Variants in REV3L observed in about 807,000 individuals in gnomAD.
REV3L encodes the protein DNA polymerase zeta catalytic subunit.
Under a neutral mutation model 299.4 loss-of-function variants are expected in REV3L, and 69 were observed. The ratio of observed to expected loss-of-function variants is 0.23; its 90% CI spans 0.19 to 0.28. REV3L has a LOEUF of 0.28. Among genes scored for constraint, REV3L ranks in the 10% least tolerant of loss-of-function variants. The pLI, the probability that REV3L is intolerant of heterozygous loss-of-function variation, is 1.00. For missense variants in REV3L, 3,128 were observed against 3,693.8 expected (o/e 0.85, Z 3.97); for synonymous variants, 1,238 against 1,271.4 (o/e 0.97, Z 0.56).
chr6:111,441,259 ATTG>A (rs769067333), intron 1 of REV3L, among the ~76,000 whole-genome samples: 265 of 151,594 alleles, frequency 1.7e-3, no homozygotes, highest in Non-Finnish European at 3.2e-3. Context: ...TGTTGTCGTC[ATTG>A]TTGTTTTTGA....
At chr6:111,387,050 G>A (rs1781422499) in intron 9 of REV3L, among the ~76,000 whole-genome samples, 1 of 152,040 alleles carries the variant, frequency 6.6e-6, no homozygotes, top group Non-Finnish European at 1.5e-5. Context: ...AGGCAAAAGT[G>A]AAAACAACTC....
intron 28 of REV3L, 39 bp from the exon 29 acceptor site, chr6:111,311,298 C>A: frequency 6.7e-7 from 1 of 1,489,996 alleles, no homozygotes. Context: ...GATAAAATAT[C>A]TCCTAGTATG....
In REV3L at chr6:111,367,905, C is replaced by T; in HGVS notation, c.5883G>A (p.Gln1961=). The stretch of plus-strand genomic sequence containing the variant: ...GAAGGGGTGACCCTGGCCTTGGATT[C>T]TGAGTCATTGCTGAGAATGCTGTTT... The part of the protein sequence containing the change: ...LWKTAFSAMT[Q]NPRPGSPLRS... The change falls in exon 14 of 32, where the codon CAG becomes CAA. Residue 1961 remains glutamine, a synonymous_variant. Transcript: ENST00000368802. 2 of 1,614,128 alleles carry T rather than the reference C, an allele frequency of 1.2e-6. No homozygotes were observed. Among genetic ancestry groups the T allele is most frequent in the Non-Finnish European group, 1.7e-6 (2 of 1,180,000 alleles).
chr6:111,462,282 T>C (rs560081819), intron 1 of REV3L, among the ~76,000 whole-genome samples: 18 of 152,276 alleles, frequency 1.2e-4, no homozygotes, highest in Admixed American at 1.2e-3. Context: ...CTTCAGTTTT[T>C]GACATGATAT....
intron 1 of REV3L, among the ~76,000 whole-genome samples, chr6:111,469,582 AACAGAAAATAT>A (rs1791934415): frequency 3.3e-5 from 5 of 152,164 alleles, no homozygotes. Context: ...GCCTATGGAC[AACAGAAAATAT>A]ACGAGGCTTG....
At chr6:111,399,315 C>G (rs1417116726) in intron 4 of REV3L, among the ~76,000 whole-genome samples, 1 of 152,096 alleles carries the variant, frequency 6.6e-6, no homozygotes, top group Non-Finnish European at 1.5e-5. Flanking sequence ...AGAAAAGTTC[C>G]AAGTTCCAAG....
chr6:111,338,311 C>CTTTTTTTTTTTTTTTTTT lies in REV3L; in HGVS notation c.7539-2702_7539-2701insAAAAAAAAAAAAAAAAAA, dbSNP rs1776115188. Among the ~76,000 whole-genome samples the CTTTTTTTTTTTTTTTTTT allele has an allele frequency of 1.0e-4, 5 of 49,034 alleles. 1 individual carries two copies. The highest frequency in any genetic ancestry group is 2.3e-4 in the Admixed American group (1 of 4,346). The allele number at this position is 49,034 out of a possible 152,430, so 32.2% of individuals were successfully genotyped here. ...TTCTTTGTTTACTCCAGTCTAAAGTCCTTTTTTTTTTTTTTTTTTTTTTTT... is the reference window on the plus strand; with the variant it reads ...TTCTTTGTTTACTCCAGTCTAAAGTCTTTTTTTTTTTTTTTTTTCTTTTTTTTTTTTTTTTTTTTTTTT... On this transcript the variant is annotated intron_variant, in intron 21 of 31. Transcript: ENST00000368802.
chr6:111,331,668 A>C lies in REV3L; in HGVS notation c.8034+8T>G. On this transcript the variant is annotated splice_region_variant and intron_variant, in intron 24 of 31. Transcript: ENST00000368802. ...AGTTGTTATCTTTCATTTACAAGAG[A>C]GTATTACCTTGACAAAAGCTACTCC... is the stretch of plus-strand genomic sequence containing the variant. 1 of 1,564,306 alleles carries C rather than the reference A, an allele frequency of 6.4e-7. No homozygotes were observed. Among genetic ancestry groups the C allele is most frequent in the Non-Finnish European group, 8.8e-7 (1 of 1,136,854 alleles).
intron 9 of REV3L, 139 bp from the exon 10 acceptor site, chr6:111,381,583 A>C: frequency 3.0e-6 from 2 of 668,546 alleles, no homozygotes; most frequent in Non-Finnish European, 4.9e-6. Context: ...ATGCCAAATA[A>C]AAACATAATA....
intron 2 of REV3L, among the ~76,000 whole-genome samples, chr6:111,415,712 A>C (rs560291567): frequency 6.6e-6 from 1 of 152,078 alleles, no homozygotes; most frequent in Admixed American, 6.6e-5. Flanking sequence ...TACCTCCTTC[A>C]GGTCTTTGCT....
At chr6:111,360,441 A>G (rs2114993150) in intron 16 of REV3L, among the ~76,000 whole-genome samples, 1 of 143,180 alleles carries the variant, frequency 7.0e-6, no homozygotes, top group East Asian at 2.0e-4. Context: ...ATACTATTGC[A>G]TGTGCTCATT....
chr6:111,447,553 T>TC (rs1789001162), intron 1 of REV3L, among the ~76,000 whole-genome samples: 1 of 152,122 alleles, frequency 6.6e-6, no homozygotes, highest in South Asian at 2.1e-4. Flanking sequence ...AAAATTCACT[T>TC]TACGTCAGGG....
chr6:111,326,029 T>C (rs1016708264), intron 25 of REV3L, among the ~76,000 whole-genome samples: 3 of 152,352 alleles, frequency 2.0e-5, no homozygotes, highest in African/African-American at 7.2e-5. Context: ...ATATTTGTCT[T>C]TCTCTGTCTG....
At chr6:111,311,369 AAATAATCTGTTACTTACAATGATGGGAT>A in intron 28 of REV3L, 110 bp from the exon 29 acceptor site, 1 of 664,316 alleles carries the variant, frequency 1.5e-6, no homozygotes, top group Non-Finnish European at 2.4e-6. Flanking sequence ...TAACCTACCT[AAATAATCTGTTACTTACAATGATGGGAT>A]AATAAAATTA....
At chr6:111,418,349 G>A (rs1161308193) in intron 1 of REV3L, among the ~76,000 whole-genome samples, 5 of 152,086 alleles carry the variant, frequency 3.3e-5, no homozygotes, top group Admixed American at 6.6e-5. Context: ...TACAAAATTG[G>A]ACTGTATTAA....
At position 111,482,984 on chromosome 6, in the gene REV3L, C is replaced by T. The variant is rs1793957288; in HGVS notation, c.-96G>A. Reference sequence around the variant, plus strand: ...CTCCGCAGCGGCGGCGGCGCCCCCTCCCCTTCTCGGCACGGCCCCCTCCCC... The same window carrying T: ...CTCCGCAGCGGCGGCGGCGCCCCCTTCCCTTCTCGGCACGGCCCCCTCCCC... On this transcript the variant is annotated 5_prime_UTR_variant, in exon 1 of 32. Coordinates refer to ENST00000368802, the MANE Select transcript of REV3L (RefSeq NM_001372078.1). 1.5e-6 allele frequency: 2 copies of T among 1,371,354 alleles called. No individual in the cohort carries two copies. Among genetic ancestry groups the T allele is most frequent in the African/African-American group, 3.1e-5 (2 of 65,040 alleles). 84.9% of individuals were successfully genotyped at this position (1,371,354 alleles called of 1,614,324 possible).
chr6:111,389,966 C>T, intron 6 of REV3L, 120 bp downstream of exon 6: 1 of 607,770 alleles, frequency 1.6e-6, no homozygotes, highest in African/African-American at 1.9e-5. Flanking sequence ...CTCGATCTGA[C>T]CTCATGATCC....
At chr6:111,424,289 G>A (rs1165213625) in intron 1 of REV3L, among the ~76,000 whole-genome samples, 7 of 152,188 alleles carry the variant, frequency 4.6e-5, no homozygotes, top group Admixed American at 6.5e-5. Context: ...GTAACGAGAG[G>A]CTGGATCAGA....
intron 20 of REV3L, among the ~76,000 whole-genome samples, chr6:111,347,037 A>T (rs186217717): frequency 2.0e-3 from 299 of 152,258 alleles, no homozygotes; most frequent in African/African-American, 6.7e-3. Context: ...TGGGAGGCCG[A>T]GGTGGGCAGA....
Sources: gnomAD v4.1 joint callset for allele counts (sites outside exome capture counted in the v4.1 genomes callset) on GRCh38, gnomAD v4.1.1 for gene constraint, MANE v1.5 for transcripts, NCBI Gene and HGNC (gene_info 2026-07-23, HGNC 2026-07-21) for gene names.